Variants in ZBTB20 observed in about 807,000 individuals in gnomAD.
The protein encoded by ZBTB20 is zinc finger and BTB domain containing 20.
Under a neutral mutation model 56.9 loss-of-function variants are expected in ZBTB20, and 9 were observed. That is an observed-to-expected ratio of 0.16 (90% CI 0.10 to 0.28). ZBTB20 has a LOEUF of 0.28. ZBTB20 is among the 10% of genes least tolerant of loss of function. The pLI is 1.00. For synonymous variants in ZBTB20, 417 were observed against 420.7 expected (o/e 0.99, Z 0.11); for missense variants, 655 against 1,003.0 (o/e 0.65, Z 4.69).
chr3:114,319,369 G>A lies in ZBTB20; in HGVS notation c.*19636C>T, dbSNP rs1008296250. On this transcript the variant is annotated 3_prime_UTR_variant, in exon 12 of 12. Coordinates refer to ENST00000675478, the MANE Select transcript of ZBTB20 (RefSeq NM_001348800.3). Reference sequence around the variant, plus strand: ...GGCACAATTATTTATTGATTTAAATGTCTGTTTTTGCATAAAACATGGAAG... The same window carrying A: ...GGCACAATTATTTATTGATTTAAATATCTGTTTTTGCATAAAACATGGAAG... The A allele has an allele frequency of 5.3e-5, 8 of 151,848 alleles. No homozygotes were observed. The highest frequency in any genetic ancestry group is 1.7e-4 in the African/African-American group (7 of 41,318). 9.4% of individuals were successfully genotyped at this position (151,848 alleles called of 1,614,324 possible).
intron 6 of ZBTB20, among the ~76,000 whole-genome samples, chr3:114,607,305 T>A (rs1454629811): frequency 0.012 from 138 of 11,670 alleles, 1 homozygote; most frequent in African/African-American, 0.03. Context: ...GTTCATTCAT[T>A]TTTTTTTTTT....
At chr3:114,823,511 A>T (rs1253292904) in intron 4 of ZBTB20, among the ~76,000 whole-genome samples, 1 of 152,092 alleles carries the variant, frequency 6.6e-6, no homozygotes, top group Non-Finnish European at 1.5e-5. Context: ...GGCCATTGAT[A>T]CTAGATTTTA....
intron 6 of ZBTB20, among the ~76,000 whole-genome samples, chr3:114,670,280 T>G (rs754789720): frequency 6.6e-6 from 1 of 152,012 alleles, no homozygotes; most frequent in African/African-American, 2.4e-5. Context: ...TTCTTTACAC[T>G]TAGAACCCCA....
intron 7 of ZBTB20, among the ~76,000 whole-genome samples, chr3:114,477,905 C>CT (rs1403614589): frequency 1.5e-5 from 2 of 129,680 alleles, no homozygotes; most frequent in Non-Finnish European, 3.3e-5. Context: ...TTTCTTTCTT[C>CT]TTTCCTTCTT....
At chr3:114,800,415 C>T (rs2071626412) in intron 5 of ZBTB20, among the ~76,000 whole-genome samples, 1 of 151,812 alleles carries the variant, frequency 6.6e-6, no homozygotes, top group Admixed American at 6.6e-5. Context: ...AAAACAGCAG[C>T]TAAATAAGGG....
intron 4 of ZBTB20, among the ~76,000 whole-genome samples, chr3:114,840,156 T>C (rs1405293062): frequency 6.6e-6 from 1 of 152,222 alleles, no homozygotes; most frequent in Non-Finnish European, 1.5e-5. Flanking sequence ...CAAGTTACTT[T>C]ATATCTCTAT....
chr3:114,956,415 C>CA (rs1271889757), intron 3 of ZBTB20, among the ~76,000 whole-genome samples: 1 of 152,156 alleles, frequency 6.6e-6, no homozygotes, highest in East Asian at 1.9e-4. Flanking sequence ...TTTAAGACAG[C>CA]AAGGTAGACA....
intron 6 of ZBTB20, among the ~76,000 whole-genome samples, chr3:114,619,416 T>A (rs2058161811): frequency 6.6e-6 from 1 of 152,088 alleles, no homozygotes; most frequent in African/African-American, 2.4e-5. Flanking sequence ...CAGAATGAGA[T>A]ATAGTTTGGG....
chr3:114,744,364 T>C (rs1414895134), intron 5 of ZBTB20, among the ~76,000 whole-genome samples: 1 of 152,138 alleles, frequency 6.6e-6, no homozygotes, highest in African/African-American at 2.4e-5. Context: ...TATCTAGTGG[T>C]TTGGTTTTCA....
At chr3:115,097,052 C>T (rs1384435566) in intron 1 of ZBTB20, among the ~76,000 whole-genome samples, 1 of 152,118 alleles carries the variant, frequency 6.6e-6, no homozygotes, top group African/African-American at 2.4e-5. Context: ...CAATAAATCA[C>T]TATATAGTCT....
intron 1 of ZBTB20, among the ~76,000 whole-genome samples, chr3:115,116,607 C>T (rs1321459124): frequency 6.6e-6 from 1 of 151,906 alleles, no homozygotes; most frequent in Non-Finnish European, 1.5e-5. Context: ...AAGTGCAAGG[C>T]TCTAGTCAAA....
intron 6 of ZBTB20, among the ~76,000 whole-genome samples, chr3:114,636,749 G>C (rs1474635434): frequency 6.6e-6 from 1 of 151,944 alleles, no homozygotes; most frequent in African/African-American, 2.4e-5. Flanking sequence ...CAGCAACAGA[G>C]GGACAAAGGA....
intron 1 of ZBTB20, among the ~76,000 whole-genome samples, chr3:115,143,887 C>A (rs1213129462): frequency 2.0e-5 from 3 of 152,182 alleles, no homozygotes; most frequent in Non-Finnish European, 4.4e-5. Context: ...CTTCTGTAGG[C>A]TCTTTCAAAC....
intron 1 of ZBTB20, among the ~76,000 whole-genome samples, chr3:115,119,895 C>A (rs1014453920): frequency 1.3e-5 from 2 of 151,770 alleles, no homozygotes. Flanking sequence ...GTCTTTAATG[C>A]ATATTACTAA....
chr3:114,361,344 C>G (rs1215294189), intron 10 of ZBTB20, among the ~76,000 whole-genome samples: 1 of 152,204 alleles, frequency 6.6e-6, no homozygotes, highest in Non-Finnish European at 1.5e-5. Flanking sequence ...CTTATTCAAA[C>G]TTTTTCCTTT....
chr3:114,942,983 T>C (rs944364470), intron 3 of ZBTB20, among the ~76,000 whole-genome samples: 1 of 145,206 alleles, frequency 6.9e-6, no homozygotes, highest in Non-Finnish European at 1.5e-5. Context: ...CCCTAAAACA[T>C]TTCCAGTTCC....
In ZBTB20 at chr3:114,917,688, G is replaced by A. The variant is rs537749607; in HGVS notation, c.-455-17346C>T. 4.6e-5 allele frequency among the ~76,000 whole-genome samples: 7 copies of A among 151,644 alleles called. No homozygotes were observed. The East Asian group carries it at 1.4e-3, about 29-fold the overall frequency. ...AGAATTCTCTGGATTACTAGGCAGAGACTTTTGTTCTCTTCCATTACTTTC... is the reference window on the plus strand; with the variant it reads ...AGAATTCTCTGGATTACTAGGCAGAAACTTTTGTTCTCTTCCATTACTTTC... On this transcript the variant is annotated intron_variant, in intron 3 of 11. Transcript: ENST00000675478.
rs372052074 is a variant in ZBTB20, at chr3:115,092,266, G to GT, written c.-702-20853dup. Among the ~76,000 whole-genome samples the GT allele has an allele frequency of 2.3e-3, 353 of 152,014 alleles. 2 individuals are homozygous for GT. Among genetic ancestry groups the GT allele is most frequent in the African/African-American group, 8.4e-3 (347 of 41,438 alleles). ...ATGTCCTGTTTTTTTGTTGTTGTTT[G>GT]TTTTTTTCACTAACTCATGCATCAG... On this transcript the variant is annotated intron_variant, in intron 1 of 11. Coordinates refer to ENST00000675478, the MANE Select transcript of ZBTB20 (RefSeq NM_001348800.3).
chr3:115,138,077 T>C (rs1391048684), intron 1 of ZBTB20, among the ~76,000 whole-genome samples: 2 of 152,092 alleles, frequency 1.3e-5, no homozygotes, highest in Non-Finnish European at 2.9e-5. Flanking sequence ...CCTTCCAAAG[T>C]CATAGGATTT....
Sources: gnomAD v4.1 joint callset for allele counts (sites outside exome capture counted in the v4.1 genomes callset) on GRCh38, gnomAD v4.1.1 for gene constraint, MANE v1.5 for transcripts, NCBI Gene and HGNC (gene_info 2026-07-23, HGNC 2026-07-21) for gene names.